Variants in ATRNL1 observed in about 807,000 individuals in gnomAD.
The protein encoded by ATRNL1 is attractin like 1.
In ATRNL1, 95 loss-of-function variants were observed where a neutral mutation model predicts 182.7. The ratio of observed to expected loss-of-function variants is 0.52; its 90% CI spans 0.44 to 0.62. ATRNL1 has a LOEUF of 0.62. ATRNL1 is among the 20% of genes least tolerant of loss of function. The pLI, the probability that ATRNL1 is intolerant of heterozygous loss-of-function variation, is 0.00. For synonymous variants in ATRNL1, 576 were observed against 568.3 expected (o/e 1.01, Z -0.19); for missense variants, 1,471 against 1,679.5 (o/e 0.88, Z 2.17).
intron 26 of ATRNL1, among the ~76,000 whole-genome samples, chr10:115,579,451 A>G (rs1228276559): frequency 6.6e-6 from 1 of 151,760 alleles, no homozygotes; most frequent in Non-Finnish European, 1.5e-5. Context: ...CTAAAATTAT[A>G]TTGACTTTCT....
At chr10:115,767,629 A>G (rs1555075339) in intron 27 of ATRNL1, among the ~76,000 whole-genome samples, 1 of 152,080 alleles carries the variant, frequency 6.6e-6, no homozygotes, top group African/African-American at 2.4e-5. Context: ...TTTGTTCATC[A>G]TGTTTTTCTC....
intron 26 of ATRNL1, among the ~76,000 whole-genome samples, chr10:115,724,019 A>C (rs1044283744): frequency 1.3e-5 from 2 of 151,136 alleles, no homozygotes; most frequent in East Asian, 3.9e-4. Context: ...ATTATGATCA[A>C]TTTGTTCTTT....
rs555228840 is a variant in ATRNL1 at position 115,365,253 on chromosome 10, G to C, written c.3176-29406G>C. Among the ~76,000 whole-genome samples the C allele has an allele frequency of 7.9e-5, 12 of 152,296 alleles. No homozygotes were observed. In the South Asian group the frequency reaches 2.5e-3, roughly 32 times the overall value. ...TTCTTCCTGGTTTAGTCTTGGGAGA[G>C]TGTATGTATCGAGGAATTTATCCAT... is the stretch of plus-strand genomic sequence containing the variant. On this transcript the variant is annotated intron_variant, in intron 19 of 28. Transcript: ENST00000355044.
At chr10:115,494,801 C>CT (rs1261313156) in intron 24 of ATRNL1, among the ~76,000 whole-genome samples, 2 of 152,030 alleles carry the variant, frequency 1.3e-5, no homozygotes, top group African/African-American at 4.8e-5. Flanking sequence ...CTGAAGTTTC[C>CT]TTTTTTCATT....
intron 27 of ATRNL1, among the ~76,000 whole-genome samples, chr10:115,745,189 T>A (rs1565341542): frequency 6.6e-6 from 1 of 151,966 alleles, no homozygotes; most frequent in Non-Finnish European, 1.5e-5. Context: ...AGTGGCAAGA[T>A]CTTGGCTCAC....
chr10:115,162,434 GAGGAGC>G (rs1243796693), intron 6 of ATRNL1, among the ~76,000 whole-genome samples: 1 of 151,934 alleles, frequency 6.6e-6, no homozygotes, highest in Non-Finnish European at 1.5e-5. Context: ...TGAGGTGTTT[GAGGAGC>G]AACAACCAGG....
chr10:115,825,394 G>A (rs1449093503), intron 27 of ATRNL1, among the ~76,000 whole-genome samples: 1 of 152,020 alleles, frequency 6.6e-6, no homozygotes, highest in African/African-American at 2.4e-5. Flanking sequence ...AAACCTGCAC[G>A]TTCTTCTGCA....
chr10:115,190,747 CT>C (rs1161328601), intron 8 of ATRNL1, among the ~76,000 whole-genome samples: 1 of 151,946 alleles, frequency 6.6e-6, no homozygotes. Flanking sequence ...TTATTTATTG[CT>C]TTTGCATCAA....
At chr10:115,575,194 C>T (rs73375337) in intron 26 of ATRNL1, among the ~76,000 whole-genome samples, 1,940 of 152,020 alleles carry the variant, frequency 0.013, 34 homozygotes, top group African/African-American at 0.044. Flanking sequence ...CATCTTTTAC[C>T]ACTTAATGTT....
chr10:115,160,271 G>T, intron 6 of ATRNL1, 57 bp downstream of exon 6: 6 of 1,470,112 alleles, frequency 4.1e-6, no homozygotes, highest in Admixed American at 2.1e-5. Flanking sequence ...TATCCAAAAT[G>T]TCTTTTTTTT....
chr10:115,756,559 G>A lies in ATRNL1; in HGVS notation c.3903+29204G>A, dbSNP rs868974638. ...TGTCATGATCCGTTCTTTTGCATCT[G>A]CCGAGGAGTGTTTTCCTTCCAATTA... is the stretch of plus-strand genomic sequence containing the variant. On this transcript the variant is annotated intron_variant, in intron 27 of 28. Coordinates refer to ENST00000355044, the MANE Select transcript of ATRNL1 (RefSeq NM_207303.4). Among the ~76,000 whole-genome samples, 53 of 152,202 alleles carry A rather than the reference G, an allele frequency of 3.5e-4. 2 individuals are homozygous for A. The highest frequency in any genetic ancestry group is 6.8e-3 in the Middle Eastern group (2 of 294).
chr10:115,242,089 A>G (rs1464955673), intron 10 of ATRNL1, among the ~76,000 whole-genome samples: 3 of 152,036 alleles, frequency 2.0e-5, no homozygotes, highest in African/African-American at 7.2e-5. Context: ...ATTTTTATAC[A>G]TAGTAGGAAT....
chr10:115,509,354 T>C (rs1277302069), intron 24 of ATRNL1, among the ~76,000 whole-genome samples: 2 of 151,980 alleles, frequency 1.3e-5, no homozygotes, highest in Non-Finnish European at 1.5e-5. Flanking sequence ...CAAAATCTCA[T>C]GTTCAGTTGT....
Position 115,944,802 on chromosome 10 carries a change from A to T in ATRNL1, c.*23A>T, listed in dbSNP as rs782325184. 1.0e-5 allele frequency: 16 copies of T among 1,606,062 alleles called. No homozygotes were observed. In the African/African-American group the frequency reaches 2.0e-4, roughly 20 times the overall value. On this transcript the variant is annotated 3_prime_UTR_variant, in exon 29 of 29. Transcript: ENST00000355044. ...TGAGAAATGGAAACCGCTCCTGTAT[A>T]TTCTGTACTGTTTTACTTCGGGCTT...
chr10:115,288,666 C>A (rs530057873), intron 15 of ATRNL1, among the ~76,000 whole-genome samples: 2 of 151,914 alleles, frequency 1.3e-5, no homozygotes, highest in Non-Finnish European at 1.5e-5. Context: ...GGATTACAGG[C>A]GTGTGCCACC....
chr10:115,239,309 T>C (rs1554902246), intron 9 of ATRNL1, among the ~76,000 whole-genome samples: 1 of 152,140 alleles, frequency 6.6e-6, no homozygotes, highest in African/African-American at 2.4e-5. Context: ...CTCAGCTCGC[T>C]GGAACCTCTG....
At chr10:115,944,545 C>A in intron 28 of ATRNL1, 113 bp from the exon 29 acceptor site, 2 of 862,178 alleles carry the variant, frequency 2.3e-6, no homozygotes, top group Admixed American at 2.9e-5. Flanking sequence ...CATTAACAGC[C>A]AAACGTGTGA....
chr10:115,651,358 A>C (rs1859990500), intron 26 of ATRNL1, among the ~76,000 whole-genome samples: 1 of 152,160 alleles, frequency 6.6e-6, no homozygotes, highest in Non-Finnish European at 1.5e-5. Flanking sequence ...ATGCCCCTTA[A>C]ATCTAAAATA....
At chr10:115,213,192 G>A (rs1036566186) in intron 8 of ATRNL1, among the ~76,000 whole-genome samples, 3 of 151,794 alleles carry the variant, frequency 2.0e-5, no homozygotes, top group Non-Finnish European at 4.4e-5. Flanking sequence ...TTTACATTTT[G>A]GGTTTCATAG....
Sources: allele counts gnomAD v4.1 joint callset (sites outside exome capture counted in the v4.1 genomes callset), GRCh38; gene constraint gnomAD v4.1.1; transcripts MANE v1.5; gene names NCBI Gene and HGNC (gene_info 2026-07-23, HGNC 2026-07-21).